Variants in UBAP2 observed in about 807,000 individuals in gnomAD.
The protein encoded by UBAP2 is ubiquitin-associated protein 2.
A neutral mutation model predicts 139.6 loss-of-function variants in UBAP2; 75 were observed. That is an observed-to-expected ratio of 0.54 (90% CI 0.45 to 0.65). UBAP2 has a LOEUF of 0.65. UBAP2 is among the 30% of genes least tolerant of loss of function. The probability of loss-of-function intolerance (pLI) is 0.00; values close to 1 mark genes in which losing one functional copy is unlikely to be tolerated. For missense variants in UBAP2, 1,368 were observed against 1,369.6 expected (o/e 1.00, Z 0.02); for synonymous variants, 526 against 526.2 (o/e 1.00, Z 0.01).
At chr9:34,040,957 CCTA>C (rs1244291274) in intron 1 of UBAP2, among the ~76,000 whole-genome samples, 3 of 152,102 alleles carry the variant, frequency 2.0e-5, no homozygotes, top group Non-Finnish European at 4.4e-5. Context: ...TTACACATAC[CCTA>C]CATACAAACC....
Position 33,923,037 on chromosome 9 carries a change from G to A in UBAP2, c.3005-4C>T, listed in dbSNP as rs1350850670. On this transcript the variant is annotated splice_region_variant and splice_polypyrimidine_tract_variant and intron_variant, in intron 26 of 28. Transcript: ENST00000379238. ...GTGCTTGAAGACACTGATACTCCTA[G>A]GAGGAAAAGCAGTTGTTCCCCACAG... The A allele has an allele frequency of 1.2e-5, 20 of 1,613,956 alleles. No homozygotes were observed. Among genetic ancestry groups the A allele is most frequent in the East Asian group, 2.2e-5 (1 of 44,890 alleles).
intron 1 of UBAP2, among the ~76,000 whole-genome samples, chr9:34,030,172 G>A (rs535005335): frequency 4.0e-5 from 6 of 150,448 alleles, no homozygotes; most frequent in South Asian, 2.1e-4. Flanking sequence ...TGAGCCGGGC[G>A]CGGTGGCTCA....
chr9:33,926,867 G>T, intron 21 of UBAP2, 122 bp downstream of exon 21: 4 of 1,051,424 alleles, frequency 3.8e-6, no homozygotes, highest in Non-Finnish European at 4.4e-6. Context: ...AGAGACGGGG[G>T]TGCTCAGGGA....
chr9:34,039,232 T>TG (rs942025711), intron 1 of UBAP2, among the ~76,000 whole-genome samples: 1 of 141,372 alleles, frequency 7.1e-6, no homozygotes, highest in African/African-American at 2.7e-5. Context: ...GTTGGGGAGT[T>TG]GGGGGGCGCC....
rs746502470 is a variant in UBAP2, at chr9:33,923,387, T to G, written c.2888A>C (p.Tyr963Ser). 1 of 1,614,208 alleles carries G rather than the reference T, an allele frequency of 6.2e-7. No individual in the cohort carries two copies. The highest frequency in any genetic ancestry group is 1.7e-5 in the Admixed American group (1 of 60,022). The change falls in exon 25 of 29, where the codon TAC (tyrosine) becomes TCC (serine). Residue 963 changes from tyrosine to serine, a missense_variant. Physicochemically the swap from Tyr to Ser is moderately radical, Grantham distance 144. Transcript: ENST00000379238. Reference protein sequence around the residue: ...QQASGYGQHGYSTGYDDLTQG... With the variant: ...QQASGYGQHGSSTGYDDLTQG... ...TGGGAAGTACCCCTCACCTGTACTGTAGCCGTGCTGGCCATAACCACTGGC... is the reference window on the plus strand; with the variant it reads ...TGGGAAGTACCCCTCACCTGTACTGGAGCCGTGCTGGCCATAACCACTGGC...
chr9:33,922,332 A>G lies in UBAP2; in HGVS notation c.*172T>C, dbSNP rs1003495082. ...AGACTTCTATCACATTTACAAATACATACATAAATACATTACATACAGTAG... is the reference window on the plus strand; with the variant it reads ...AGACTTCTATCACATTTACAAATACGTACATAAATACATTACATACAGTAG... On this transcript the variant is annotated 3_prime_UTR_variant, in exon 29 of 29. Transcript: ENST00000379238. 6.2e-6 allele frequency: 4 copies of G among 641,990 alleles called. No individual in the cohort carries two copies. Among genetic ancestry groups the G allele is most frequent in the Non-Finnish European group, 1.1e-5 (4 of 368,034 alleles). 39.8% of individuals were successfully genotyped at this position (641,990 alleles called of 1,614,324 possible).
At chr9:34,014,047 G>A (rs1824014308) in intron 2 of UBAP2, among the ~76,000 whole-genome samples, 1 of 151,886 alleles carries the variant, frequency 6.6e-6, no homozygotes, top group Admixed American at 6.6e-5. Flanking sequence ...AAAGGGCCAG[G>A]TGCAGTGGCT....
intron 19 of UBAP2, among the ~76,000 whole-genome samples, chr9:33,930,763 G>A (rs1347940922): frequency 6.6e-6 from 1 of 151,926 alleles, no homozygotes; most frequent in East Asian, 1.9e-4. Flanking sequence ...GGGCATGGTG[G>A]TATGCGCCTG....
chr9:33,948,379 T>C lies in UBAP2; in HGVS notation c.1265A>G (p.His422Arg), dbSNP rs1214793229. ...CACAAACAATGTATACCTACCAAGA[T>C]GACTGAGGACTGAGGACTGGGATGT... is the stretch of plus-strand genomic sequence containing the variant. ...PPTSQSSVLS[H>R]LDFKSQPEPS... Residue 422 changes from histidine (H) to arginine (R), a missense_variant, in exon 13 of 29, where the codon CAT (histidine) becomes CGT (arginine). Coordinates refer to ENST00000379238, the MANE Select transcript of UBAP2 (RefSeq NM_001370062.2). 1.1e-5 allele frequency: 17 copies of C among 1,606,876 alleles called. No homozygotes were observed. Among genetic ancestry groups the C allele is most frequent in the Admixed American group, 5.0e-5 (3 of 59,738 alleles).
chr9:34,007,438 C>G (rs1203414032), intron 2 of UBAP2, among the ~76,000 whole-genome samples: 1 of 151,028 alleles, frequency 6.6e-6, no homozygotes, highest in Non-Finnish European at 1.5e-5. Context: ...TCAAGGCTAC[C>G]GTGAGCCATG....
At chr9:34,039,231 T>A (rs10971863) in intron 1 of UBAP2, among the ~76,000 whole-genome samples, 1 of 149,396 alleles carries the variant, frequency 6.7e-6, no homozygotes, top group Non-Finnish European at 1.5e-5. Flanking sequence ...CGTTGGGGAG[T>A]TGGGGGGCGC....
chr9:33,973,149 A>T (rs1299067334), intron 7 of UBAP2, 34 bp downstream of exon 7: 1 of 1,603,306 alleles, frequency 6.2e-7, no homozygotes, highest in South Asian at 1.1e-5. Flanking sequence ...CTAGGGAAGT[A>T]AATAATTATA....
At chr9:33,951,641 C>A (rs1826119586) in intron 12 of UBAP2, among the ~76,000 whole-genome samples, 2 of 152,072 alleles carry the variant, frequency 1.3e-5, no homozygotes, top group African/African-American at 4.8e-5. Flanking sequence ...GCCACCGCGC[C>A]CAGCTCCCAG....
intron 1 of UBAP2, among the ~76,000 whole-genome samples, chr9:34,027,674 G>A (rs1299351008): frequency 2.0e-5 from 3 of 149,926 alleles, no homozygotes; most frequent in Admixed American, 6.8e-5. Context: ...TGGCTAACAC[G>A]GCGAAACCCC....
In UBAP2 at chr9:33,994,809, CTCTT is replaced by C. The variant is rs1444669877; in HGVS notation, c.288+1410_288+1413del. 5.9e-5 allele frequency: 9 copies of C among 152,240 alleles called. No homozygotes were observed. In the South Asian group the frequency reaches 1.4e-3, roughly 25 times the overall value. The allele number at this position is 152,240 out of a possible 1,614,324, so 9.4% of individuals were successfully genotyped here. The stretch of plus-strand genomic sequence containing the variant: ...AATTTTTACTTTAAAAGAATTCATT[CTCTT>C]TGTTTCACATCAACTAAAAACACAG... On this transcript the variant is annotated intron_variant, in intron 4 of 28. Transcript: ENST00000379238.
intron 10 of UBAP2, among the ~76,000 whole-genome samples, chr9:33,957,814 T>C (rs1826693677): frequency 1.3e-5 from 2 of 152,164 alleles, no homozygotes; most frequent in Admixed American, 1.3e-4. Context: ...TGACATACTA[T>C]GTGTAAGCAG....
chr9:33,941,462 C>G (rs926587216), intron 16 of UBAP2, among the ~76,000 whole-genome samples, 187 bp downstream of exon 16: 7 of 152,178 alleles, frequency 4.6e-5, no homozygotes, highest in Non-Finnish European at 1.0e-4. Context: ...GCAGATCTAT[C>G]CACACACTCA....
intron 2 of UBAP2, among the ~76,000 whole-genome samples, chr9:34,008,566 C>G (rs1174586408): frequency 6.6e-6 from 1 of 150,914 alleles, no homozygotes; most frequent in Non-Finnish European, 1.5e-5. Context: ...CAACATGAGA[C>G]CCCGTCTCAA....
intron 4 of UBAP2, among the ~76,000 whole-genome samples, chr9:33,992,468 G>A (rs1821795519): frequency 6.6e-6 from 1 of 151,570 alleles, no homozygotes; most frequent in South Asian, 2.1e-4. Flanking sequence ...GCTGAGGCAG[G>A]AGAACTGCTT....
Sources: gnomAD v4.1 joint callset for allele counts (sites outside exome capture counted in the v4.1 genomes callset) on GRCh38, gnomAD v4.1.1 for gene constraint, MANE v1.5 for transcripts, NCBI Gene and HGNC (gene_info 2026-07-23, HGNC 2026-07-21) for gene names.